The following MYO16 variants were observed in gnomAD, a reference collection of about 807,000 sequenced individuals.
The protein encoded by MYO16 is unconventional myosin-XVI.
Under a neutral mutation model 205.3 loss-of-function variants are expected in MYO16, and 94 were observed. That is an observed-to-expected ratio of 0.46 (90% confidence interval 0.39 to 0.54). MYO16 has a LOEUF of 0.54. Ranked by LOEUF, MYO16 falls within the 20% of genes least tolerant of loss-of-function variation. MYO16 has a pLI of 0.00. For synonymous variants in MYO16, 988 were observed against 954.0 expected (o/e 1.04, Z -0.66); for missense variants, 2,315 against 2,387.5 (o/e 0.97, Z 0.63).
chr13:108,648,959 G>A (rs1388419211), intron 1 of MYO16, among the ~76,000 whole-genome samples: 1 of 150,984 alleles, frequency 6.6e-6, no homozygotes, highest in Admixed American at 6.6e-5. Flanking sequence ...TCTCAGAAGA[G>A]ATTGACATTG....
At chr13:108,699,605 C>T (rs1247397155) in intron 2 of MYO16, among the ~76,000 whole-genome samples, 1 of 152,138 alleles carries the variant, frequency 6.6e-6, no homozygotes, top group Non-Finnish European at 1.5e-5. Context: ...TGTTATAATA[C>T]TGTCACTTTA....
At chr13:108,943,457 T>A (rs953813720) in intron 16 of MYO16, among the ~76,000 whole-genome samples, 5 of 152,126 alleles carry the variant, frequency 3.3e-5, no homozygotes, top group African/African-American at 4.8e-5. Flanking sequence ...CTCTTTTTTT[T>A]ATTTTTTTTA....
At chr13:108,950,150 A>G (rs1295382451) in intron 16 of MYO16, among the ~76,000 whole-genome samples, 2 of 152,234 alleles carry the variant, frequency 1.3e-5, no homozygotes, top group Non-Finnish European at 2.9e-5. Context: ...CTTAAGCTTG[A>G]CATCAAAATC....
At chr13:108,759,265 G>A (rs1885518587) in intron 4 of MYO16, among the ~76,000 whole-genome samples, 1 of 152,208 alleles carries the variant, frequency 6.6e-6, no homozygotes, top group Non-Finnish European at 1.5e-5. Context: ...CTATGTTGAA[G>A]TGTGAATAGT....
intron 28 of MYO16, among the ~76,000 whole-genome samples, chr13:109,111,981 C>T (rs977962354): frequency 1.3e-4 from 20 of 152,132 alleles, no homozygotes; most frequent in African/African-American, 3.6e-4. Flanking sequence ...CCTCCATGCC[C>T]GGCCGATTGT....
chr13:109,147,727 A>G (rs1238515104), intron 32 of MYO16, among the ~76,000 whole-genome samples: 6 of 152,158 alleles, frequency 3.9e-5, no homozygotes, highest in Non-Finnish European at 8.8e-5. Flanking sequence ...AGTGTGGAAG[A>G]TAATTTACTG....
rs771090144 is a variant in MYO16, at chr13:109,141,244, C to T, written c.5032C>T (p.Pro1678Ser). The change falls in exon 32 of 35, where the codon CCC becomes TCC. Residue 1678 changes from proline to serine, a missense_variant. Around this residue, in one of 3 missense-constraint regions of MYO16, gnomAD observed 1,097 missense variants for 1,092.0 expected, o/e 1.00. Transcript: ENST00000457511. The surrounding 1 kb of genome is among the most constrained non-coding windows in gnomAD (Gnocchi z 4.1). The part of the protein sequence containing the change: ...DARKAGSSAS[P>S]PAPYSPPSSR... ...CAGGAAGGCCGGCTCCAGTGCCTCG[C>T]CCCCCGCGCCCTACAGCCCTCCCAG... The T allele has an allele frequency of 7.2e-5, 115 of 1,606,118 alleles. No individual in the cohort carries two copies. Among genetic ancestry groups the T allele is most frequent in the African/African-American group, 9.4e-5 (7 of 74,280 alleles).
chr13:109,073,689 T>C (rs1887999077), intron 27 of MYO16, among the ~76,000 whole-genome samples: 1 of 152,244 alleles, frequency 6.6e-6, no homozygotes, highest in African/African-American at 2.4e-5. Context: ...TTATATACAT[T>C]GACCAAATAA....
At chr13:108,525,001 A>T in the MYO16 span, among the ~76,000 whole-genome samples, 360 of 152,240 alleles carry the variant, frequency 2.4e-3, 2 homozygotes, top group African/African-American at 8.2e-3. Context: ...AAACTTTTTT[A>T]AAAAAATCAA....
chr13:108,699,894 G>C (rs1005460571), intron 2 of MYO16, among the ~76,000 whole-genome samples: 1 of 152,124 alleles, frequency 6.6e-6, no homozygotes, highest in African/African-American at 2.4e-5. Flanking sequence ...TCTTCTGTCA[G>C]TTTTTAAGAT....
intron 32 of MYO16, among the ~76,000 whole-genome samples, chr13:109,161,546 A>C (rs1352474978): frequency 6.6e-6 from 1 of 152,200 alleles, no homozygotes; most frequent in Non-Finnish European, 1.5e-5. Flanking sequence ...TCTAGCAGGG[A>C]ATTGGCACCT....
At chr13:108,604,863 TGGTAATG>T (rs1388685165) in intron 1 of MYO16, among the ~76,000 whole-genome samples, 1 of 152,214 alleles carries the variant, frequency 6.6e-6, no homozygotes, top group Non-Finnish European at 1.5e-5. Flanking sequence ...GCACAGTTCA[TGGTAATG>T]GGTACCATAT....
At chr13:108,750,142 T>C (rs1433914589) in intron 4 of MYO16, among the ~76,000 whole-genome samples, 8 of 152,128 alleles carry the variant, frequency 5.3e-5, no homozygotes, top group Admixed American at 3.9e-4. Flanking sequence ...GCTTAGGGGA[T>C]TTTTTAGGGC....
At chr13:108,808,029 A>C (rs1887167126) in intron 7 of MYO16, among the ~76,000 whole-genome samples, 1 of 152,134 alleles carries the variant, frequency 6.6e-6, no homozygotes, top group African/African-American at 2.4e-5. Context: ...TTCCTGACTC[A>C]TAAGGAGAAT....
At chr13:108,534,939 TTC>T in the MYO16 span, among the ~76,000 whole-genome samples, 2 of 150,624 alleles carry the variant, frequency 1.3e-5, no homozygotes, top group Non-Finnish European at 3.0e-5. Flanking sequence ...TCTTCCTCTC[TTC>T]TTTCTTCTTC....
chr13:108,769,192 G>A (rs1226673753), intron 4 of MYO16, among the ~76,000 whole-genome samples: 1 of 152,140 alleles, frequency 6.6e-6, no homozygotes, highest in Non-Finnish European at 1.5e-5. Flanking sequence ...TATGAAGTGA[G>A]GTGTGAGGGA....
intron 1 of MYO16, among the ~76,000 whole-genome samples, chr13:108,660,882 T>C (rs1049111052): frequency 1.1e-4 from 17 of 152,218 alleles, no homozygotes; most frequent in African/African-American, 4.1e-4. Context: ...ATTTTTGTTT[T>C]ATGGATCCTG....
intron 16 of MYO16, among the ~76,000 whole-genome samples, chr13:108,929,690 G>C (rs936609413): frequency 1.3e-5 from 2 of 152,128 alleles, no homozygotes; most frequent in Non-Finnish European, 2.9e-5. Context: ...TGGAGCACAA[G>C]GTCCTGCCTT....
At chr13:108,589,342 C>A in the MYO16 span, among the ~76,000 whole-genome samples, 226 of 152,146 alleles carry the variant, frequency 1.5e-3, 1 homozygote, top group African/African-American at 5.3e-3. Flanking sequence ...TACAATTTAA[C>A]TTCTCATATT....
Sources: allele counts gnomAD v4.1 joint callset (sites outside exome capture counted in the v4.1 genomes callset), GRCh38; gene constraint gnomAD v4.1.1; regional missense constraint gnomAD v4.1.1; non-coding constraint Gnocchi (gnomAD v3.1); transcripts MANE v1.5; gene names NCBI Gene and HGNC (gene_info 2026-07-23, HGNC 2026-07-21).